EPHB3: variants seen among roughly 807,000 people sequenced by gnomAD.
EPHB3 encodes the protein EPH receptor B3, also known as ephrin type-B receptor 3.
A neutral mutation model predicts 100.2 loss-of-function variants in EPHB3; 33 were observed. The ratio of observed to expected loss-of-function variants is 0.33; its 90% CI spans 0.25 to 0.44. EPHB3 has a LOEUF of 0.44. Among genes scored for constraint, EPHB3 ranks in the 20% least tolerant of loss-of-function variants. The pLI is 1.00. For missense variants in EPHB3, 1,045 were observed against 1,378.3 expected, an observed-to-expected ratio of 0.76 and a Z score of 3.83; for synonymous variants, 526 against 554.7, an observed-to-expected ratio of 0.95 and a Z score of 0.73.
chr3:184,565,822 A>AGCT lies in EPHB3; in HGVS notation c.118+3481_118+3483dup, dbSNP rs1045141777. 3.9e-5 allele frequency among the ~76,000 whole-genome samples: 6 copies of AGCT among 152,222 alleles called. No homozygotes were observed. Among genetic ancestry groups the AGCT allele is most frequent in the African/African-American group, 4.8e-5 (2 of 41,462 alleles). ...TCAGCACTGCCCTGTCTTTAGCCAC[A>AGCT]GCTGCTGCTGCTGCCACTGCAGCTT... On this transcript the variant is annotated intron_variant, in intron 1 of 15. Coordinates refer to ENST00000330394, the MANE Select transcript of EPHB3 (RefSeq NM_004443.4). This position sits in a 1 kb window ranked among gnomAD's most constrained non-coding sequence, Gnocchi z 4.8.
chr3:184,573,169 G>T lies in EPHB3; in HGVS notation c.849G>T (p.Gln283His). ...ATGAGCCAGCTGCCAAGGAGTCCCA[G>T]TGCCGCCGTGAGTGGGGACTGTCCT... ...TGHEPAAKES[Q>H]CRPCPPGSYK... The change falls in exon 3 of 16, where the codon CAG becomes CAT. Residue 283 changes from glutamine to histidine, a missense_variant. Coordinates refer to ENST00000330394, the MANE Select transcript of EPHB3 (RefSeq NM_004443.4). The surrounding 1 kb of genome is among the most constrained non-coding windows in gnomAD (Gnocchi z 4.5). 1 of 1,611,804 alleles carries T rather than the reference G, an allele frequency of 6.2e-7. No individual in the cohort carries two copies. The highest frequency in any genetic ancestry group is 8.5e-7 in the Non-Finnish European group (1 of 1,180,014).
rs35514470 is a variant in EPHB3 at position 184,582,253 on chromosome 3, A to AGTGTGT, written c.*651_*656dup. On this transcript the variant is annotated 3_prime_UTR_variant, in exon 16 of 16. Coordinates refer to ENST00000330394, the MANE Select transcript of EPHB3 (RefSeq NM_004443.4). Reference sequence around the variant, plus strand: ...CTCAGAGCCAGAGATGGGATGTGTGAGTGTGTGTGTGTGTGTGTGTGTGTG... The same window carrying AGTGTGT: ...CTCAGAGCCAGAGATGGGATGTGTGAGTGTGTGTGTGTGTGTGTGTGTGTGTGTGTG... 9.9e-5 allele frequency: 15 copies of AGTGTGT among 150,780 alleles called. No homozygotes were observed. Among genetic ancestry groups the AGTGTGT allele is most frequent in the African/African-American group, 1.5e-4 (6 of 40,434 alleles). 9.3% of individuals were successfully genotyped at this position (150,780 alleles called of 1,614,324 possible). A position where few individuals can be genotyped will look rare whatever the true frequency, so the allele number is the denominator to read the frequency against.
At chr3:184,570,060 A>G (rs1714502179) in intron 1 of EPHB3, among the ~76,000 whole-genome samples, 1 of 152,218 alleles carries the variant, frequency 6.6e-6, no homozygotes, top group Non-Finnish European at 1.5e-5. Flanking sequence ...TATGTCAGAA[A>G]CATTAACGGG....
In EPHB3 at chr3:184,565,319, G is replaced by A. The variant is rs1577520673; in HGVS notation, c.118+2966G>A. On this transcript the variant is annotated intron_variant, in intron 1 of 15. Coordinates refer to ENST00000330394, the MANE Select transcript of EPHB3 (RefSeq NM_004443.4). The surrounding 1 kb of genome is among the most constrained non-coding windows in gnomAD (Gnocchi z 4.8). Reference sequence around the variant, plus strand: ...ATGTTCCCCAGTTCCCCAAAGCCAAGATTATTCTCCCCTCAGGACCATCAA... The same window carrying A: ...ATGTTCCCCAGTTCCCCAAAGCCAAAATTATTCTCCCCTCAGGACCATCAA... Among the ~76,000 whole-genome samples, 1 of 152,134 alleles carries A rather than the reference G, an allele frequency of 6.6e-6. No individual in the cohort carries two copies. Among genetic ancestry groups the A allele is most frequent in the African/African-American group, 2.4e-5 (1 of 41,424 alleles).
At position 184,565,241 on chromosome 3, in the gene EPHB3, C is replaced by T. The variant is rs958903342; in HGVS notation, c.118+2888C>T. ...CCCATGCAAATTGCCCTGGGCTTTA[C>T]GCACAGCCACAGGGAAACAGGGCCA... On this transcript the variant is annotated intron_variant, in intron 1 of 15. Coordinates refer to ENST00000330394, the MANE Select transcript of EPHB3 (RefSeq NM_004443.4). The surrounding 1 kb of genome is among the most constrained non-coding windows in gnomAD (Gnocchi z 4.8). Among the ~76,000 whole-genome samples the T allele has an allele frequency of 2.0e-4, 30 of 152,226 alleles. No homozygotes were observed. Among genetic ancestry groups the T allele is most frequent in the East Asian group, 1.4e-3 (7 of 5,160 alleles).
chr3:184,561,792 G>A lies in EPHB3; in HGVS notation c.-444G>A, dbSNP rs1030102272. ...CGCGCCAGCGCTGGGGACAGCAGAA[G>A]TGAGTACGTGAGCGGCGCAGCAAGA... On this transcript the variant is annotated 5_prime_UTR_variant, in exon 1 of 16. It adds an upstream start codon to the 5' untranslated region. Coordinates refer to ENST00000330394, the MANE Select transcript of EPHB3 (RefSeq NM_004443.4). 1 of 152,240 alleles carries A rather than the reference G, an allele frequency of 6.6e-6. No individual in the cohort carries two copies. The highest frequency in any genetic ancestry group is 3.1e-3 in the Middle Eastern group (1 of 318). 9.4% of individuals were successfully genotyped at this position (152,240 alleles called of 1,614,324 possible).
At position 184,577,653 on chromosome 3, in the gene EPHB3, T is replaced by C; in HGVS notation, c.1480-5T>C. 1 of 1,588,912 alleles carries C rather than the reference T, an allele frequency of 6.3e-7. No individual in the cohort carries two copies. The highest frequency in any genetic ancestry group is 8.6e-7 in the Non-Finnish European group (1 of 1,164,054). On this transcript the variant is annotated splice_region_variant and splice_polypyrimidine_tract_variant and intron_variant, in intron 6 of 15. Coordinates refer to ENST00000330394, the MANE Select transcript of EPHB3 (RefSeq NM_004443.4). This position sits in a 1 kb window ranked among gnomAD's most constrained non-coding sequence, Gnocchi z 4.9. ...GAGGGTGCCCCCTCTCTCCTGGCATTGCAGAGCGAGGGCATCGCCTCCACA... is the reference window on the plus strand; with the variant it reads ...GAGGGTGCCCCCTCTCTCCTGGCATCGCAGAGCGAGGGCATCGCCTCCACA...
Position 184,578,250 on chromosome 3 carries a change from C to G in EPHB3, c.1749-164C>G, listed in dbSNP as rs1394344883. 6.6e-6 allele frequency: 7 copies of G among 1,061,756 alleles called. No homozygotes were observed. Among genetic ancestry groups the G allele is most frequent in the Non-Finnish European group, 9.6e-6 (7 of 728,742 alleles). 65.8% of individuals were successfully genotyped at this position (1,061,756 alleles called of 1,614,324 possible). ...TCCCTAGGGACTGAGTCCACTGAAC[C>G]CCTTGCTCAGACACCCAGAGACTGC... On this transcript the variant is annotated intron_variant, in intron 8 of 15. Transcript: ENST00000330394. The surrounding 1 kb of genome is among the most constrained non-coding windows in gnomAD (Gnocchi z 4.7).
chr3:184,582,135 A>G lies in EPHB3; in HGVS notation c.*513A>G. The G allele has an allele frequency of 6.3e-6, 1 of 157,726 alleles. No homozygotes were observed. The highest frequency in any genetic ancestry group is 1.8e-4 in the South Asian group (1 of 5,610). The allele number at this position is 157,726 out of a possible 1,614,324, so 9.8% of individuals were successfully genotyped here. A position where few individuals can be genotyped will look rare whatever the true frequency, so the allele number is the denominator to read the frequency against. Reference sequence around the variant, plus strand: ...GCACAGGGATTTGTTCTGGGGGCTGAGGGCCCTGTCCCCACCCCCGCCCTT... The same window carrying G: ...GCACAGGGATTTGTTCTGGGGGCTGGGGGCCCTGTCCCCACCCCCGCCCTT... On this transcript the variant is annotated 3_prime_UTR_variant, in exon 16 of 16. Coordinates refer to ENST00000330394, the MANE Select transcript of EPHB3 (RefSeq NM_004443.4).
At position 184,562,868 on chromosome 3, in the gene EPHB3, G is replaced by A. The variant is rs1047538555; in HGVS notation, c.118+515G>A. 1.3e-5 allele frequency among the ~76,000 whole-genome samples: 2 copies of A among 152,222 alleles called. No individual in the cohort carries two copies. The highest frequency in any genetic ancestry group is 2.9e-5 in the Non-Finnish European group (2 of 68,038). On this transcript the variant is annotated intron_variant, in intron 1 of 15. Transcript: ENST00000330394. The surrounding 1 kb of genome is among the most constrained non-coding windows in gnomAD (Gnocchi z 4.8). ...CCGCTGCGGGGGCGGACAGGCGGGG[G>A]CCTGTTATTGTTTATGGTTTACCGG... is the stretch of plus-strand genomic sequence containing the variant.
rs1376030618 is a variant in EPHB3, at chr3:184,562,923, G to A, written c.118+570G>A. 6.6e-6 allele frequency among the ~76,000 whole-genome samples: 1 copy of A among 152,232 alleles called. No individual in the cohort carries two copies. Among genetic ancestry groups the A allele is most frequent in the African/African-American group, 2.4e-5 (1 of 41,462 alleles). On this transcript the variant is annotated intron_variant, in intron 1 of 15. Coordinates refer to ENST00000330394, the MANE Select transcript of EPHB3 (RefSeq NM_004443.4). This position sits in a 1 kb window ranked among gnomAD's most constrained non-coding sequence, Gnocchi z 4.8. ...CAATTACACCCGAGGTGCTGTATGG[G>A]CGGGCCCCCGCACCCTTTGTGGAGG...
Position 184,580,806 on chromosome 3 carries a change from G to T in EPHB3, c.2466G>T (p.Trp822Cys). The T allele has an allele frequency of 1.2e-6, 2 of 1,614,204 alleles. No homozygotes were observed. Among genetic ancestry groups the T allele is most frequent in the Non-Finnish European group, 1.7e-6 (2 of 1,180,036 alleles). The stretch of plus-strand genomic sequence containing the variant: ...AGTTCACTTCTGCTAGTGATGTCTG[G>T]AGCTACGGAATTGTCATGTGGGAGG... ...YRKFTSASDV[W>C]SYGIVMWEVM... Residue 822 changes from tryptophan (W) to cysteine (C), a missense_variant, in exon 13 of 16, where the codon TGG (tryptophan) becomes TGT (cysteine). Transcript: ENST00000330394.
chr3:184,579,667 T>G lies in EPHB3; in HGVS notation c.1925-20T>G. ...GCTGGGTACAGGAGTGAGTCATAGC[T>G]TGTGCCCTGTGCCCTGCAGGGGAAT... On this transcript the variant is annotated intron_variant, in intron 10 of 15. Coordinates refer to ENST00000330394, the MANE Select transcript of EPHB3 (RefSeq NM_004443.4). This position sits in a 1 kb window ranked among gnomAD's most constrained non-coding sequence, Gnocchi z 5.2. 1 of 1,610,620 alleles carries G rather than the reference T, an allele frequency of 6.2e-7. No homozygotes were observed. The highest frequency in any genetic ancestry group is 2.2e-5 in the East Asian group (1 of 44,728).
rs1183621986 is a variant in EPHB3 at position 184,569,373 on chromosome 3, GCCATC to G, written c.119-1942_119-1938del. On this transcript the variant is annotated intron_variant, in intron 1 of 15. Transcript: ENST00000330394. The surrounding 1 kb of genome is among the most constrained non-coding windows in gnomAD (Gnocchi z 5.4). ...TCCCTGTCTTTGTAGTCAGCCGCCG[GCCATC>G]CCGGCTGTCGGATCCCCGCCAGCCG... 5.3e-5 allele frequency among the ~76,000 whole-genome samples: 8 copies of G among 152,074 alleles called. No individual in the cohort carries two copies. The highest frequency in any genetic ancestry group is 4.6e-4 in the Admixed American group (7 of 15,300).
At chr3:184,576,156 G>C (rs1209567388) in intron 4 of EPHB3, among the ~76,000 whole-genome samples, 171 bp downstream of exon 4, 1 of 152,214 alleles carries the variant, frequency 6.6e-6, no homozygotes, top group African/African-American at 2.4e-5. Flanking sequence ...GACTGCCCCT[G>C]AGCCAGAATC....
rs763884756 is a variant in EPHB3 at position 184,573,197 on chromosome 3, G to A, written c.856+21G>A. ...CCGCCGTGAGTGGGGACTGTCCTGG[G>A]GAAAGGGTTGTCGGGAGGGCCTGGG... On this transcript the variant is annotated intron_variant, in intron 3 of 15. Transcript: ENST00000330394. The surrounding 1 kb of genome is among the most constrained non-coding windows in gnomAD (Gnocchi z 4.5). 6.2e-7 allele frequency: 1 copy of A among 1,608,096 alleles called. No homozygotes were observed. The highest frequency in any genetic ancestry group is 1.7e-4 in the Middle Eastern group (1 of 6,038).
At chr3:184,581,490 A>G in intron 15 of EPHB3, 24 bp from the exon 16 acceptor site, 1 of 1,607,454 alleles carries the variant, frequency 6.2e-7, no homozygotes, top group Non-Finnish European at 8.5e-7. Flanking sequence ...AAAGGGACTG[A>G]TCCTAATTTG....
In EPHB3 at chr3:184,575,941, A is replaced by T. The variant is rs1176017829; in HGVS notation, c.968A>T (p.Asn323Ile). The T allele has an allele frequency of 6.2e-7, 1 of 1,613,630 alleles. No homozygotes were observed. The highest frequency in any genetic ancestry group is 1.3e-5 in the African/African-American group (1 of 74,874). Residue 323 changes from asparagine to isoleucine, a missense_variant, in exon 4 of 16, where the codon AAC (asparagine) becomes ATC (isoleucine). By Grantham distance (149) the Asn-to-Ile change is moderately radical. Around this residue, in one of 2 missense-constraint regions of EPHB3, gnomAD observed 985 missense variants for 1,331.1 expected, o/e 0.74. Coordinates refer to ENST00000330394, the MANE Select transcript of EPHB3 (RefSeq NM_004443.4). The stretch of plus-strand genomic sequence containing the variant: ...GCCAGCATCTGCACCTGCCACAATA[A>T]CTTCTACCGTGCAGACTCGGACTCT... ...PAASICTCHNNFYRADSDSAD... is the reference protein window; with the variant it reads ...PAASICTCHNIFYRADSDSAD...
In EPHB3 at chr3:184,562,703, A is replaced by AC. The variant is rs546107739; in HGVS notation, c.118+356dup. ...CCCCGAAGTCGAGGACGTGTGGGCGACCCCCCAGGCAAGGCGAGGGCCGCG... is the reference window on the plus strand; with the variant it reads ...CCCCGAAGTCGAGGACGTGTGGGCGACCCCCCCAGGCAAGGCGAGGGCCGCG... On this transcript the variant is annotated intron_variant, in intron 1 of 15. Coordinates refer to ENST00000330394, the MANE Select transcript of EPHB3 (RefSeq NM_004443.4). This position sits in a 1 kb window ranked among gnomAD's most constrained non-coding sequence, Gnocchi z 4.8. Among the ~76,000 whole-genome samples, 715 of 147,150 alleles carry AC rather than the reference A, an allele frequency of 4.9e-3. 8 individuals are homozygous for AC. The highest frequency in any genetic ancestry group is 0.017 in the African/African-American group (677 of 39,152).
Sources: allele counts gnomAD v4.1 joint callset (sites outside exome capture counted in the v4.1 genomes callset), GRCh38; gene constraint gnomAD v4.1.1; regional missense constraint gnomAD v4.1.1; non-coding constraint Gnocchi (gnomAD v3.1); transcripts MANE v1.5; gene names NCBI Gene and HGNC (gene_info 2026-07-23, HGNC 2026-07-21).